Variants in C4orf51 observed in about 807,000 individuals in gnomAD.
C4orf51 encodes chromosome 4 open reading frame 51.
In C4orf51, 25 loss-of-function variants were observed where a neutral mutation model predicts 25.2. The observed-to-expected ratio is 0.99, with a 90% CI of 0.72 to 1.39. C4orf51 has a LOEUF of 1.39. C4orf51 is among the 40% of genes most tolerant of loss of function. The probability of loss-of-function intolerance (pLI) is 0.00; values close to 1 mark genes in which losing one functional copy is unlikely to be tolerated. For missense variants in C4orf51, 252 were observed against 239.6 expected, an observed-to-expected ratio of 1.05 and a Z score of -0.34; for synonymous variants, 100 against 84.5, an observed-to-expected ratio of 1.18 and a Z score of -1.01.
intron 2 of C4orf51, among the ~76,000 whole-genome samples, chr4:145,715,697 C>T (rs1477356632): frequency 6.6e-6 from 1 of 152,102 alleles, no homozygotes; most frequent in African/African-American, 2.4e-5. Context: ...TCCTATTCTG[C>T]CATTTTACTG....
chr4:145,766,927 A>G (rs957426374), intron 1 of C4orf51, among the ~76,000 whole-genome samples: 2 of 152,178 alleles, frequency 1.3e-5, no homozygotes, highest in African/African-American at 4.8e-5. Flanking sequence ...CAAGACCCCA[A>G]AGGAACGAGG....
intron 2 of C4orf51, among the ~76,000 whole-genome samples, chr4:145,718,686 T>C (rs971478501): frequency 1.3e-5 from 2 of 152,238 alleles, no homozygotes; most frequent in African/African-American, 4.8e-5. Context: ...TTTTTTACCA[T>C]GGCCTGGAAG....
At chr4:145,702,390 G>T (rs566660353) in intron 2 of C4orf51, among the ~76,000 whole-genome samples, 1 of 151,626 alleles carries the variant, frequency 6.6e-6, no homozygotes, top group Non-Finnish European at 1.5e-5. Context: ...GCCTCTCTTT[G>T]CCTTCACTTA....
intron 2 of C4orf51, among the ~76,000 whole-genome samples, chr4:145,713,763 T>C (rs982314505): frequency 6.6e-6 from 1 of 152,118 alleles, no homozygotes; most frequent in Non-Finnish European, 1.5e-5. Flanking sequence ...TTAAGGTATG[T>C]CCATTTTATT....
At chr4:145,758,361 A>T (rs569570847), downstream of C4orf51, 1 of 152,292 alleles carries the variant, frequency 6.6e-6, no homozygotes, top group South Asian at 2.1e-4. Flanking sequence ...TAGACCTCCT[A>T]TTGCACAAGT....
chr4:145,791,979 G>A, the C4orf51 span, among the ~76,000 whole-genome samples: 2 of 151,474 alleles, frequency 1.3e-5, no homozygotes, highest in Non-Finnish European at 2.9e-5. Context: ...CACAATTCTA[G>A]CTGTGTCCAT....
intron 2 of C4orf51, among the ~76,000 whole-genome samples, chr4:145,710,436 G>A (rs1024684531): frequency 6.6e-6 from 1 of 152,152 alleles, no homozygotes; most frequent in Non-Finnish European, 1.5e-5. Flanking sequence ...TCTTCCCTTA[G>A]GGTGGGCTGT....
intron 1 of C4orf51, among the ~76,000 whole-genome samples, chr4:145,689,383 G>A (rs1421258610): frequency 6.6e-6 from 1 of 151,766 alleles, no homozygotes; most frequent in Non-Finnish European, 1.5e-5. Context: ...ACTGACAAAA[G>A]GCTTGCATCT....
chr4:145,755,131 TACA>T (rs1481138121), downstream of C4orf51, among the ~76,000 whole-genome samples: 4 of 152,344 alleles, frequency 2.6e-5, no homozygotes, highest in South Asian at 2.1e-4. Flanking sequence ...TTTTCTTGTT[TACA>T]ACAAGTTGTA....
chr4:145,729,297 A>ATTTTATT (rs1732292358), intron 4 of C4orf51, 68 bp downstream of exon 4: 1 of 253,942 alleles, frequency 3.9e-6, no homozygotes, highest in African/African-American at 5.1e-5. Context: ...TGGTCATGTG[A>ATTTTATT]TTTTTTTTTT....
At chr4:145,760,389 C>T (rs1734319101) in intron 1 of C4orf51, 1 of 152,400 alleles carries the variant, frequency 6.6e-6, no homozygotes, top group Non-Finnish European at 1.5e-5. Flanking sequence ...AAACCAAATG[C>T]ACCAGTATAT....
downstream of C4orf51, chr4:145,774,426 G>T (rs1163258282): frequency 6.7e-7 from 1 of 1,483,356 alleles, no homozygotes; most frequent in African/African-American, 1.4e-5. Flanking sequence ...GGGCAGTGGG[G>T]ATGCTTCGGC....
At chr4:145,731,070 T>C (rs578017442) in intron 5 of C4orf51, among the ~76,000 whole-genome samples, 14 of 152,332 alleles carry the variant, frequency 9.2e-5, no homozygotes, top group African/African-American at 3.1e-4. Context: ...AGTTATATTG[T>C]GTGGTCAACC....
Position 145,729,246 on chromosome 4 carries a change from A to T in C4orf51, c.427+17A>T, listed in dbSNP as rs760401566. The T allele has an allele frequency of 3.9e-6, 6 of 1,545,488 alleles. 1 individual carries two copies. In the South Asian group the frequency reaches 6.9e-5, roughly 18 times the overall value. ...GAAAATACTGTAAGTCCCATCCTGA[A>T]CTACTACTTTACATCCATTTTCTGG... On this transcript the variant is annotated intron_variant, in intron 4 of 5. Coordinates refer to ENST00000438731, the MANE Select transcript of C4orf51 (RefSeq NM_001080531.3).
downstream of C4orf51, chr4:145,758,528 A>C (rs1271367939): frequency 2.0e-5 from 3 of 152,210 alleles, no homozygotes; most frequent in African/African-American, 7.2e-5. Context: ...TTGAAAACAC[A>C]TTATTAGCCA....
chr4:145,786,307 A>G, the C4orf51 span, among the ~76,000 whole-genome samples: 4 of 152,340 alleles, frequency 2.6e-5, no homozygotes, highest in South Asian at 2.1e-4. Context: ...TCAAAGAACC[A>G]TCTCTCAACC....
chr4:145,729,047 C>T, intron 3 of C4orf51, 122 bp from the exon 4 acceptor site: 4 of 690,818 alleles, frequency 5.8e-6, no homozygotes, highest in Non-Finnish European at 1.0e-5. Flanking sequence ...TGGCTTTTGA[C>T]AGCAGTATCA....
chr4:145,720,435 C>G (rs780396367), intron 2 of C4orf51, among the ~76,000 whole-genome samples: 10 of 152,200 alleles, frequency 6.6e-5, no homozygotes, highest in Non-Finnish European at 1.5e-4. Flanking sequence ...CTACACTCCC[C>G]CAAAGGAGCC....
chr4:145,695,202 C>G (rs1309530926), intron 1 of C4orf51, among the ~76,000 whole-genome samples: 1 of 152,210 alleles, frequency 6.6e-6, no homozygotes, highest in East Asian at 1.9e-4. Context: ...ACCCTCCTAC[C>G]AACAGTGTAA....
Sources: gnomAD v4.1 joint callset for allele counts (sites outside exome capture counted in the v4.1 genomes callset) on GRCh38, gnomAD v4.1.1 for gene constraint, MANE v1.5 for transcripts, NCBI Gene and HGNC (gene_info 2026-07-23, HGNC 2026-07-21) for gene names.